BRI3: variants seen among roughly 807,000 people sequenced by gnomAD.
The protein encoded by BRI3 is brain protein I3.
In BRI3, 6 loss-of-function variants were observed where a neutral mutation model predicts 12.8. The ratio of observed to expected loss-of-function variants is 0.47; its 90% CI spans 0.26 to 0.93. The LOEUF (loss-of-function observed/expected upper bound fraction) is 0.93, where lower values mean the gene tolerates loss of function less well. BRI3 is among the 40% of genes least tolerant of loss of function. BRI3 has a pLI of 0.15. For synonymous variants in BRI3, 91 were observed against 76.1 expected (o/e 1.20, Z -1.02); for missense variants, 134 against 171.1 (o/e 0.78, Z 1.21).
At chr7:98,300,321 A>C (rs115146741) in intron 1 of BRI3, among the ~76,000 whole-genome samples, 1,527 of 152,208 alleles carry the variant, frequency 0.01, 30 homozygotes, top group African/African-American at 0.035. Context: ...GCTGTTTCCC[A>C]CAGCTGCGCT....
chr7:98,296,790 C>T (rs113707800), downstream of BRI3, among the ~76,000 whole-genome samples: 4 of 152,370 alleles, frequency 2.6e-5, no homozygotes, highest in African/African-American at 9.6e-5. Flanking sequence ...CTGCCTCCCT[C>T]TCCACTGCAA....
downstream of BRI3, among the ~76,000 whole-genome samples, chr7:98,295,409 C>T (rs867064036): frequency 9.2e-5 from 14 of 152,318 alleles, no homozygotes; most frequent in African/African-American, 2.6e-4. Flanking sequence ...TTTAAATGGC[C>T]GCAAAAGTGA....
intron 2 of BRI3, among the ~76,000 whole-genome samples, chr7:98,284,553 G>T (rs572318410): frequency 6.6e-6 from 1 of 152,348 alleles, no homozygotes; most frequent in South Asian, 2.1e-4. Context: ...CTTGGCCCGG[G>T]AGACAGGATA....
At chr7:98,315,806 G>A in the BRI3 span, among the ~76,000 whole-genome samples, 14 of 152,272 alleles carry the variant, frequency 9.2e-5, no homozygotes, top group South Asian at 4.1e-4. Context: ...TCCCTGACTC[G>A]TGTGCAGAGA....
upstream of BRI3, among the ~76,000 whole-genome samples, chr7:98,304,548 TA>T (rs1353783929): frequency 6.6e-6 from 1 of 152,028 alleles, no homozygotes; most frequent in Non-Finnish European, 1.5e-5. Context: ...CAAAACACTG[TA>T]TTTTTTAAAT....
At chr7:98,298,578 A>T (rs1800287688) in intron 1 of BRI3, among the ~76,000 whole-genome samples, 2 of 151,958 alleles carry the variant, frequency 1.3e-5, no homozygotes, top group Admixed American at 6.6e-5. Flanking sequence ...GTGCCACTGC[A>T]CTCCAGCCTG....
chr7:98,307,555 C>T, exon 2 of BRI3: 2 of 1,469,362 alleles, frequency 1.4e-6, no homozygotes, highest in Non-Finnish European at 9.0e-7. Flanking sequence ...CTTCAGTTAA[C>T]TAAACTAGAA....
chr7:98,286,456 G>A (rs942491831), intron 2 of BRI3, among the ~76,000 whole-genome samples: 2 of 152,200 alleles, frequency 1.3e-5, no homozygotes, highest in African/African-American at 4.8e-5. Context: ...GTGGCTTATT[G>A]CACAAGAATG....
At chr7:98,283,297 A>G (rs1470893180) in intron 2 of BRI3, among the ~76,000 whole-genome samples, 1 of 152,150 alleles carries the variant, frequency 6.6e-6, no homozygotes, top group Non-Finnish European at 1.5e-5. Context: ...CTTGATTTCA[A>G]AAGTGTGTGT....
Position 98,281,886 on chromosome 7 carries a change from GGCGCCATCCCCGCC to G in BRI3, c.97_110del (p.Ile33ProfsTer105). The G allele has an allele frequency of 7.7e-7, 1 of 1,303,784 alleles. No individual in the cohort carries two copies. Among genetic ancestry groups the G allele is most frequent in the Non-Finnish European group, 9.8e-7 (1 of 1,025,444 alleles). 80.8% of individuals were successfully genotyped at this position (1,303,784 alleles called of 1,614,324 possible). On this transcript the variant is annotated frameshift_variant, in exon 1 of 3. Coordinates refer to ENST00000297290, the MANE Select transcript of BRI3 (RefSeq NM_015379.5). LOFTEE classifies it high-confidence loss of function. ...CTACGCGTGCGGCCCGCACGGCTAC[GGCGCCATCCCCGCC>G]GCGCCCCCGCCGCCGCCCTACCCCT...
downstream of BRI3, chr7:98,315,376 G>A (rs1321459418): frequency 1.3e-5 from 16 of 1,249,536 alleles, no homozygotes; most frequent in Middle Eastern, 2.8e-4. Flanking sequence ...GATTACAGGC[G>A]TGGGCCACGG....
exon 2 of BRI3, chr7:98,309,867 C>G (rs879902500): frequency 6.6e-6 from 1 of 150,648 alleles, no homozygotes; most frequent in African/African-American, 2.6e-5. Flanking sequence ...CTGGCTCCAA[C>G]TTTTGTTTTT....
intron 2 of BRI3, among the ~76,000 whole-genome samples, chr7:98,283,637 A>G (rs1349461024): frequency 6.6e-6 from 1 of 152,132 alleles, no homozygotes; most frequent in African/African-American, 2.4e-5. Context: ...GTGAAGGCAC[A>G]TGGAGGGGAC....
chr7:98,319,215 T>C, the BRI3 span, among the ~76,000 whole-genome samples: 6 of 152,014 alleles, frequency 3.9e-5, no homozygotes, highest in Admixed American at 2.0e-4. Context: ...TTAAGTACTC[T>C]ATAGAGCAAG....
At chr7:98,289,334 G>GA (rs1220195045) in intron 2 of BRI3, among the ~76,000 whole-genome samples, 2 of 152,268 alleles carry the variant, frequency 1.3e-5, no homozygotes, top group African/African-American at 4.8e-5. Context: ...GAGAAGCAGG[G>GA]AACAGGTTCT....
downstream of BRI3, among the ~76,000 whole-genome samples, chr7:98,296,400 C>T (rs1021700926): frequency 1.3e-5 from 2 of 152,106 alleles, no homozygotes; most frequent in East Asian, 1.9e-4. Context: ...CTGAGGTGGG[C>T]GCATCACCTG....
At chr7:98,321,451 C>T in the BRI3 span, among the ~76,000 whole-genome samples, 5 of 152,286 alleles carry the variant, frequency 3.3e-5, no homozygotes, top group African/African-American at 1.2e-4. Context: ...TGGGAATACA[C>T]CAGCCCCTGA....
chr7:98,317,961 C>T, the BRI3 span, among the ~76,000 whole-genome samples: 1 of 151,484 alleles, frequency 6.6e-6, no homozygotes, highest in African/African-American at 2.4e-5. Flanking sequence ...TCACTCATTT[C>T]ACACCATCCT....
chr7:98,293,440 G>T, downstream of BRI3: 1 of 1,337,294 alleles, frequency 7.5e-7, no homozygotes, highest in Non-Finnish European at 1.1e-6. Flanking sequence ...CTTCCCGACC[G>T]TCAGCACGTG....
Sources: allele counts gnomAD v4.1 joint callset (sites outside exome capture counted in the v4.1 genomes callset), GRCh38; gene constraint gnomAD v4.1.1; transcripts MANE v1.5; gene names NCBI Gene and HGNC (gene_info 2026-07-23, HGNC 2026-07-21).